The following SPRED2 variants were observed in gnomAD, a reference collection of about 807,000 sequenced individuals.
The protein encoded by SPRED2 is sprouty related EVH1 domain containing 2.
In SPRED2, 47 loss-of-function variants were observed where a neutral mutation model predicts 43.0. The ratio of observed to expected loss-of-function variants is 1.09; its 90% confidence interval spans 0.87 to 1.40. The LOEUF is 1.40. Among genes scored for constraint, SPRED2 ranks in the 40% most tolerant of loss-of-function variants. The pLI is 0.00. For synonymous variants in SPRED2, 225 were observed against 225.7 expected (o/e 1.00, Z 0.03); for missense variants, 561 against 586.4 (o/e 0.96, Z 0.45).
Position 65,334,591 on chromosome 2 carries a change from G to T in SPRED2, c.373+14C>A. 6.2e-7 allele frequency: 1 copy of T among 1,611,796 alleles called. No individual in the cohort carries two copies. The highest frequency in any genetic ancestry group is 1.1e-5 in the South Asian group (1 of 90,908). On this transcript the variant is annotated intron_variant, in intron 3 of 5. Transcript: ENST00000356388. ...TCCATAGTCCCACTAAGAATGCAGC[G>T]ACAAGTTCAATACCTTCTATAAGGT...
At chr2:65,397,877 A>C (rs1675794822) in intron 1 of SPRED2, among the ~76,000 whole-genome samples, 1 of 152,174 alleles carries the variant, frequency 6.6e-6, no homozygotes, top group African/African-American at 2.4e-5. Context: ...TCACAGAACT[A>C]GAAAAAAAAA....
At chr2:65,328,631 G>C (rs1347893610) in intron 4 of SPRED2, among the ~76,000 whole-genome samples, 2 of 152,134 alleles carry the variant, frequency 1.3e-5, no homozygotes, top group Non-Finnish European at 2.9e-5. Flanking sequence ...CTCCCCTTGG[G>C]CCAGTGAATG....
chr2:65,381,371 G>A (rs529360559), intron 1 of SPRED2, among the ~76,000 whole-genome samples: 1 of 152,044 alleles, frequency 6.6e-6, no homozygotes, highest in Non-Finnish European at 1.5e-5. Flanking sequence ...TTAAACACTC[G>A]GCAGCTCTAA....
chr2:65,345,259 G>GTTTTTTT lies in SPRED2; in HGVS notation c.27-370_27-364dup, dbSNP rs66991368. ...ACACCTATTTTGGTTTTTAGTTGTT[G>GTTTTTTT]TTTTTTTTTTTTTTTTTTTTTGAGA... is the stretch of plus-strand genomic sequence containing the variant. On this transcript the variant is annotated intron_variant, in intron 1 of 5. Transcript: ENST00000356388. Among the ~76,000 whole-genome samples, 38 of 111,368 alleles carry GTTTTTTT rather than the reference G, an allele frequency of 3.4e-4. 1 individual carries two copies. Among genetic ancestry groups the GTTTTTTT allele is most frequent in the East Asian group, 1.8e-3 (5 of 2,806 alleles). 73.1% of individuals were successfully genotyped at this position (111,368 alleles called of 152,430 possible). A position where few individuals can be genotyped will look rare whatever the true frequency, so the allele number is the denominator to read the frequency against.
chr2:65,431,947 C>T lies in SPRED2; in HGVS notation c.26+15G>A. 1 of 1,613,908 alleles carries T rather than the reference C, an allele frequency of 6.2e-7. No homozygotes were observed. On this transcript the variant is annotated intron_variant, in intron 1 of 5. Transcript: ENST00000356388. ...CCTGAGGGGCACCCTCGTCCCACCCCGCGACCAAACTTACTCGTCTGGGTG... is the reference window on the plus strand; with the variant it reads ...CCTGAGGGGCACCCTCGTCCCACCCTGCGACCAAACTTACTCGTCTGGGTG...
chr2:65,382,732 ATT>A (rs1425245386), intron 1 of SPRED2, among the ~76,000 whole-genome samples: 1 of 152,212 alleles, frequency 6.6e-6, no homozygotes, highest in Non-Finnish European at 1.5e-5. Flanking sequence ...GATACTTCAC[ATT>A]CTTTTTTTTC....
chr2:65,431,375 G>C (rs566911114), intron 1 of SPRED2, among the ~76,000 whole-genome samples: 74 of 151,792 alleles, frequency 4.9e-4, no homozygotes, highest in Non-Finnish European at 8.4e-4. Flanking sequence ...GGCGGCTCCA[G>C]CACGCCGGCC....
At chr2:65,309,238 A>G (rs975443410), downstream of SPRED2, among the ~76,000 whole-genome samples, 1 of 151,910 alleles carries the variant, frequency 6.6e-6, no homozygotes, top group Non-Finnish European at 1.5e-5. Context: ...ATGGTGGTTC[A>G]TGACTGTAAT....
In SPRED2 at chr2:65,311,909, T is replaced by G; in HGVS notation, c.*1592A>C. Reference sequence around the variant, plus strand: ...CCTTTCCTTGAAGACTGGTGTCCTGTGTGCAATAAAGAAGGAGTGGGGAAA... The same window carrying G: ...CCTTTCCTTGAAGACTGGTGTCCTGGGTGCAATAAAGAAGGAGTGGGGAAA... On this transcript the variant is annotated 3_prime_UTR_variant, in exon 6 of 6. Coordinates refer to ENST00000356388, the MANE Select transcript of SPRED2 (RefSeq NM_181784.3). 1.0e-6 allele frequency: 1 copy of G among 985,354 alleles called. No homozygotes were observed. Among genetic ancestry groups the G allele is most frequent in the Non-Finnish European group, 1.2e-6 (1 of 829,928 alleles). 61.0% of individuals were successfully genotyped at this position (985,354 alleles called of 1,614,324 possible).
At chr2:65,370,068 C>A (rs1458241585) in intron 1 of SPRED2, among the ~76,000 whole-genome samples, 2 of 152,174 alleles carry the variant, frequency 1.3e-5, no homozygotes, top group African/African-American at 4.8e-5. Context: ...ATCAATGATG[C>A]AGGTACTGTA....
intron 1 of SPRED2, among the ~76,000 whole-genome samples, chr2:65,377,388 C>T (rs1224704340): frequency 6.6e-6 from 1 of 152,154 alleles, no homozygotes; most frequent in Non-Finnish European, 1.5e-5. Flanking sequence ...CGTGGTAGCA[C>T]TGGATTGGTA....
rs931614228 is a variant in SPRED2, at chr2:65,313,768, G to A, written c.990C>T (p.Pro330=). 1.2e-6 allele frequency: 2 copies of A among 1,614,154 alleles called. No homozygotes were observed. The highest frequency in any genetic ancestry group is 1.7e-6 in the Non-Finnish European group (2 of 1,180,014). The change falls in exon 6 of 6, where the codon CCC becomes CCT. Residue 330 remains proline, a synonymous_variant. Transcript: ENST00000356388. ...GGCGGATGCAAGTTCTCACGGAGTCGGGCGCGTCCTGGCAGTGGCCCCGGC... is the reference window on the plus strand; with the variant it reads ...GGCGGATGCAAGTTCTCACGGAGTCAGGCGCGTCCTGGCAGTGGCCCCGGC... ...ENRRGHCQDA[P]DSVRTCIRRV... is the part of the protein sequence containing the mutation.
chr2:65,431,939 T>C, intron 1 of SPRED2, 23 bp downstream of exon 1: 2 of 1,613,224 alleles, frequency 1.2e-6, no homozygotes, highest in Non-Finnish European at 1.7e-6. Context: ...GGCACCCTCG[T>C]CCCACCCCGC....
chr2:65,404,811 TGTACTACCTCCCCA>T (rs1675984967), intron 1 of SPRED2, among the ~76,000 whole-genome samples: 1 of 152,154 alleles, frequency 6.6e-6, no homozygotes, highest in Non-Finnish European at 1.5e-5. Flanking sequence ...CAGTTATCCA[TGTACTACCTCCCCA>T]GCATGAACAG....
chr2:65,417,505 G>C (rs1308895299), intron 1 of SPRED2, among the ~76,000 whole-genome samples: 1 of 152,196 alleles, frequency 6.6e-6, no homozygotes, highest in Non-Finnish European at 1.5e-5. Flanking sequence ...ACCTCATGCA[G>C]GGTGTGACCA....
At chr2:65,328,039 C>G (rs1426185419) in intron 4 of SPRED2, among the ~76,000 whole-genome samples, 1 of 152,012 alleles carries the variant, frequency 6.6e-6, no homozygotes, top group East Asian at 1.9e-4. Flanking sequence ...GCTTTTCTTA[C>G]CCACCATAAA....
intron 2 of SPRED2, among the ~76,000 whole-genome samples, chr2:65,342,306 GTATAT>G (rs1674213824): frequency 7.1e-6 from 1 of 140,042 alleles, no homozygotes; most frequent in Non-Finnish European, 1.5e-5. Context: ...TTTTGTATAC[GTATAT>G]TATGTATGTA....
chr2:65,383,655 C>T (rs946683078), intron 1 of SPRED2, among the ~76,000 whole-genome samples: 3 of 152,116 alleles, frequency 2.0e-5, no homozygotes, highest in Admixed American at 1.3e-4. Context: ...GGTGCCTAAT[C>T]GAAATCTCCC....
In SPRED2 at chr2:65,344,803, G is replaced by A. The variant is rs201827431; in HGVS notation, c.120C>T (p.Arg40=). 7.4e-6 allele frequency: 12 copies of A among 1,614,124 alleles called. No homozygotes were observed. Among genetic ancestry groups the A allele is most frequent in the Middle Eastern group, 1.6e-4 (1 of 6,062 alleles). Residue 40 remains arginine (R), a synonymous_variant, in exon 2 of 6, where the codon CGC becomes CGT. Transcript: ENST00000356388. Reference sequence around the variant, plus strand: ...GGTGCATGACCTTACAGACCCCGACGCGACTGATCCCGCCTCCTTCCTGTG... The same window carrying A: ...GGTGCATGACCTTACAGACCCCGACACGACTGATCCCGCCTCCTTCCTGTG... ...WFPQEGGGIS[R]VGVCKVMHPE...
Sources: gnomAD v4.1 joint callset for allele counts (sites outside exome capture counted in the v4.1 genomes callset) on GRCh38, gnomAD v4.1.1 for gene constraint, MANE v1.5 for transcripts, NCBI Gene and HGNC (gene_info 2026-07-23, HGNC 2026-07-21) for gene names.